BORCS5: variants seen among roughly 807,000 people sequenced by gnomAD.
BORCS5 encodes BLOC-1 related complex subunit 5, also known as BLOC-1-related complex subunit 5.
Under a neutral mutation model 22.1 loss-of-function variants are expected in BORCS5, and 17 were observed. The ratio of observed to expected loss-of-function variants is 0.77; its 90% CI spans 0.53 to 1.15. The LOEUF is 1.15. Among genes scored for constraint, BORCS5 ranks in the 50% most tolerant of loss-of-function variants. The pLI, the probability that BORCS5 is intolerant of heterozygous loss-of-function variation, is 0.00. For missense variants in BORCS5, 247 were observed against 253.2 expected (o/e 0.98, Z 0.17); for synonymous variants, 117 against 99.8 (o/e 1.17, Z -1.03).
chr12:12,383,762 A>C (rs1555146513), intron 2 of BORCS5, among the ~76,000 whole-genome samples: 1 of 149,886 alleles, frequency 6.7e-6, no homozygotes, highest in African/African-American at 2.5e-5. Context: ...TTTTTCCTTT[A>C]GCTTTCCATA....
intron 2 of BORCS5, among the ~76,000 whole-genome samples, chr12:12,377,991 G>A (rs779142675): frequency 7.2e-5 from 11 of 152,198 alleles, no homozygotes; most frequent in South Asian, 2.1e-4. Flanking sequence ...TATGTTGCAT[G>A]ATAGTTTGTA....
intron 2 of BORCS5, among the ~76,000 whole-genome samples, chr12:12,418,989 T>A (rs577100780): frequency 2.6e-5 from 4 of 152,322 alleles, no homozygotes; most frequent in African/African-American, 9.6e-5. Context: ...TTTTTTGCAG[T>A]GAAACATTTA....
chr12:12,437,870 C>T (rs1942586515), intron 3 of BORCS5, among the ~76,000 whole-genome samples: 1 of 152,094 alleles, frequency 6.6e-6, no homozygotes, highest in Non-Finnish European at 1.5e-5. Context: ...AGAAGCGATT[C>T]TCCAACCTCA....
chr12:12,360,089 C>T (rs529675353), intron 1 of BORCS5, among the ~76,000 whole-genome samples: 11 of 152,048 alleles, frequency 7.2e-5, no homozygotes, highest in Non-Finnish European at 1.3e-4. Context: ...ATGGGCTGGG[C>T]GTGATGGCTC....
chr12:12,377,453 A>G (rs995191329), intron 2 of BORCS5, among the ~76,000 whole-genome samples: 2 of 152,140 alleles, frequency 1.3e-5, no homozygotes, highest in Non-Finnish European at 2.9e-5. Context: ...TCCTGAGATT[A>G]CAGGCATGAG....
intron 2 of BORCS5, among the ~76,000 whole-genome samples, chr12:12,392,864 T>C (rs974890268): frequency 6.6e-6 from 1 of 152,084 alleles, no homozygotes; most frequent in Non-Finnish European, 1.5e-5. Flanking sequence ...CCATGTAATA[T>C]TAGAAGAGGG....
intron 3 of BORCS5, among the ~76,000 whole-genome samples, chr12:12,460,091 TAATC>T (rs1225578629): frequency 2.6e-5 from 4 of 152,232 alleles, no homozygotes; most frequent in African/African-American, 7.2e-5. Context: ...ATGAACCTCT[TAATC>T]AATTTGGCAA....
chr12:12,402,065 CAA>C (rs550592058), intron 2 of BORCS5, among the ~76,000 whole-genome samples: 27,996 of 93,992 alleles, frequency 0.3, 2,757 homozygotes, highest in African/African-American at 0.4. Flanking sequence ...GACTCCGTCT[CAA>C]AAAAAAAAAA....
chr12:12,435,617 C>T lies in BORCS5; in HGVS notation c.203-11C>T, dbSNP rs1343780647. 2.5e-6 allele frequency: 4 copies of T among 1,581,796 alleles called. No individual in the cohort carries two copies. The highest frequency in any genetic ancestry group is 3.4e-6 in the Non-Finnish European group (4 of 1,165,742). Reference sequence around the variant, plus strand: ...AATTTTAATTTCATTTCATTTTTTTCTCCTTTGAAGGGCTATTGAGTGGCC... The same window carrying T: ...AATTTTAATTTCATTTCATTTTTTTTTCCTTTGAAGGGCTATTGAGTGGCC... On this transcript the variant is annotated splice_polypyrimidine_tract_variant and intron_variant, in intron 2 of 3. Coordinates refer to ENST00000314565, the MANE Select transcript of BORCS5 (RefSeq NM_058169.6).
chr12:12,463,802 A>G (rs1055355673), intron 3 of BORCS5, among the ~76,000 whole-genome samples: 2 of 152,214 alleles, frequency 1.3e-5, no homozygotes, highest in African/African-American at 4.8e-5. Flanking sequence ...AGTCTTCATC[A>G]GGTGTGAATC....
intron 3 of BORCS5, among the ~76,000 whole-genome samples, chr12:12,463,386 C>G (rs569930436): frequency 6.6e-6 from 1 of 152,308 alleles, no homozygotes; most frequent in Admixed American, 6.5e-5. Flanking sequence ...TAATAACTTT[C>G]CCTACATGTG....
chr12:12,428,964 T>C lies in BORCS5; in HGVS notation c.203-6664T>C, dbSNP rs189946819. Among the ~76,000 whole-genome samples the C allele has an allele frequency of 1.3e-4, 20 of 152,164 alleles. No individual in the cohort carries two copies. In the East Asian group the frequency reaches 3.9e-3, roughly 29 times the overall value. ...AAGGTTCATTCTCTATTAATGGTAT[T>C]GGAGTTGGTAGGAAATAATTAAAAT... On this transcript the variant is annotated intron_variant, in intron 2 of 3. Transcript: ENST00000314565.
intron 2 of BORCS5, among the ~76,000 whole-genome samples, chr12:12,364,661 C>T (rs576437415): frequency 6.6e-6 from 1 of 152,128 alleles, no homozygotes; most frequent in Non-Finnish European, 1.5e-5. Flanking sequence ...GGAAGCTAAC[C>T]TCAGATTTGA....
intron 2 of BORCS5, among the ~76,000 whole-genome samples, chr12:12,415,554 A>C (rs868123099): frequency 2.7e-4 from 1 of 3,644 alleles, no homozygotes; most frequent in African/African-American, 1.2e-3. Flanking sequence ...GAGACCGTGG[A>C]GAGAGGGGGA....
intron 2 of BORCS5, among the ~76,000 whole-genome samples, chr12:12,422,408 G>T (rs540446635): frequency 6.6e-6 from 1 of 152,036 alleles, no homozygotes; most frequent in Non-Finnish European, 1.5e-5. Context: ...GAGGTCAGGC[G>T]TTCAAGACCA....
intron 2 of BORCS5, among the ~76,000 whole-genome samples, chr12:12,365,671 G>A (rs1863392722): frequency 6.6e-6 from 1 of 152,068 alleles, no homozygotes; most frequent in Non-Finnish European, 1.5e-5. Context: ...ATCTTGGGCC[G>A]TGATTAGGAA....
At position 12,412,250 on chromosome 12, in the gene BORCS5, A is replaced by G. The variant is rs978671696; in HGVS notation, c.203-23378A>G. ...ATATTAAATCTTCCAATCAATGACT[A>G]TGGGGTGTCTTAACATTTGTATGTG... On this transcript the variant is annotated intron_variant, in intron 2 of 3. Transcript: ENST00000314565. Among the ~76,000 whole-genome samples, 118 of 152,274 alleles carry G rather than the reference A, an allele frequency of 7.7e-4. 1 individual carries two copies. Among genetic ancestry groups the G allele is most frequent in the African/African-American group, 2.6e-3 (110 of 41,568 alleles).
chr12:12,413,219 A>G (rs1227859558), intron 2 of BORCS5, among the ~76,000 whole-genome samples: 1 of 84,904 alleles, frequency 1.2e-5, no homozygotes, highest in African/African-American at 7.0e-5. Context: ...TAGGCAGAGG[A>G]CCCTGCGGCC....
chr12:12,375,007 CTTTTCTTTTCT>C (rs1329775531), intron 2 of BORCS5, among the ~76,000 whole-genome samples: 4 of 149,848 alleles, frequency 2.7e-5, no homozygotes, highest in Admixed American at 6.6e-5. Flanking sequence ...TACTGCTTTT[CTTTTCTTTTCT>C]TTTTCTTTTT....
Sources: allele counts gnomAD v4.1 joint callset (sites outside exome capture counted in the v4.1 genomes callset), GRCh38; gene constraint gnomAD v4.1.1; transcripts MANE v1.5; gene names NCBI Gene and HGNC (gene_info 2026-07-23, HGNC 2026-07-21).